The following CNTNAP2 variants were observed in gnomAD, a reference collection of about 807,000 sequenced individuals.
The protein encoded by CNTNAP2 is contactin-associated protein-like 2.
In CNTNAP2, 98 loss-of-function variants were observed where a neutral mutation model predicts 155.2. The ratio of observed to expected loss-of-function variants is 0.63; its 90% CI spans 0.54 to 0.75. CNTNAP2 has a LOEUF of 0.75. CNTNAP2 is among the 30% of genes least tolerant of loss of function. The pLI is 0.00. For missense variants in CNTNAP2, 1,727 were observed against 1,688.1 expected (o/e 1.02, Z -0.40); for synonymous variants, 651 against 631.2 (o/e 1.03, Z -0.47).
chr7:147,692,160 G>C (rs1223816283), intron 13 of CNTNAP2, among the ~76,000 whole-genome samples: 1 of 151,994 alleles, frequency 6.6e-6, no homozygotes, highest in Non-Finnish European at 1.5e-5. Context: ...ATGCATTTAA[G>C]CTTCCTTTGT....
Position 147,420,834 on chromosome 7 carries a change from G to A in CNTNAP2, c.1670+25054G>A, listed in dbSNP as rs183117016. ...ATTCTAACTGCAGAACCCAGCTGTGGACATGAGTTTCTAGGGGAGGACTCT... is the reference window on the plus strand; with the variant it reads ...ATTCTAACTGCAGAACCCAGCTGTGAACATGAGTTTCTAGGGGAGGACTCT... On this transcript the variant is annotated intron_variant, in intron 10 of 23. Coordinates refer to ENST00000361727, the MANE Select transcript of CNTNAP2 (RefSeq NM_014141.6). Among the ~76,000 whole-genome samples, 15 of 152,262 alleles carry A rather than the reference G, an allele frequency of 9.9e-5. No individual in the cohort carries two copies. In the East Asian group the frequency reaches 2.9e-3, roughly 29 times the overall value.
At chr7:147,451,497 C>T (rs1002256209) in intron 10 of CNTNAP2, among the ~76,000 whole-genome samples, 1 of 152,062 alleles carries the variant, frequency 6.6e-6, no homozygotes, top group African/African-American at 2.4e-5. Context: ...CCCTCCCTGC[C>T]TTGACTTACC....
At chr7:146,541,632 A>C (rs1282559409) in intron 1 of CNTNAP2, among the ~76,000 whole-genome samples, 1 of 151,912 alleles carries the variant, frequency 6.6e-6, no homozygotes, top group Non-Finnish European at 1.5e-5. Flanking sequence ...TCAGACCTTT[A>C]AGAGTGAGGT....
intron 22 of CNTNAP2, among the ~76,000 whole-genome samples, chr7:148,395,699 C>G (rs891325509): frequency 6.6e-6 from 1 of 152,144 alleles, no homozygotes; most frequent in East Asian, 1.9e-4. Flanking sequence ...ACAGGCCATC[C>G]TCTGTGTAGA....
intron 1 of CNTNAP2, among the ~76,000 whole-genome samples, chr7:146,485,930 G>T (rs1460631911): frequency 1.3e-5 from 2 of 151,146 alleles, no homozygotes; most frequent in Admixed American, 6.6e-5. Flanking sequence ...AAGTTAAATA[G>T]ATTTTAATCT....
At chr7:148,092,294 G>A (rs1172883832) in intron 15 of CNTNAP2, among the ~76,000 whole-genome samples, 1 of 152,058 alleles carries the variant, frequency 6.6e-6, no homozygotes, top group African/African-American at 2.4e-5. Context: ...ATCTAGTCTG[G>A]GGAATCATAC....
chr7:146,645,174 G>A (rs1458259774), intron 1 of CNTNAP2, among the ~76,000 whole-genome samples: 2 of 152,172 alleles, frequency 1.3e-5, no homozygotes, highest in South Asian at 2.1e-4. Flanking sequence ...CAGGACAGGT[G>A]TCTGTCTTAT....
At chr7:146,866,542 T>A (rs1460189693) in intron 3 of CNTNAP2, among the ~76,000 whole-genome samples, 1 of 152,116 alleles carries the variant, frequency 6.6e-6, no homozygotes, top group Non-Finnish European at 1.5e-5. Flanking sequence ...TAAAAAGTTG[T>A]GCTTTATTTC....
At chr7:148,410,263 C>T (rs1014166302) in intron 23 of CNTNAP2, among the ~76,000 whole-genome samples, 6 of 136,982 alleles carry the variant, frequency 4.4e-5, no homozygotes, top group Admixed American at 6.9e-5. Context: ...TCCAGGATAG[C>T]GTACTATAAA....
chr7:147,820,032 A>G (rs12539385), intron 13 of CNTNAP2, among the ~76,000 whole-genome samples: 1,692 of 152,228 alleles, frequency 0.011, 95 homozygotes, highest in Admixed American at 0.091. Flanking sequence ...TGGAATTGCT[A>G]GGTCATAAGG....
chr7:148,112,711 C>T (rs1804379225), intron 15 of CNTNAP2, among the ~76,000 whole-genome samples: 1 of 151,972 alleles, frequency 6.6e-6, no homozygotes, highest in South Asian at 2.1e-4. Flanking sequence ...TCAATATAAC[C>T]AAAAATCTGT....
chr7:147,954,399 G>T (rs2707587), intron 14 of CNTNAP2, among the ~76,000 whole-genome samples: 84,848 of 151,386 alleles, frequency 0.56, 24,264 homozygotes, highest in Middle Eastern at 0.77. Context: ...AGAAGATATA[G>T]CATTGCATTT....
chr7:146,762,931 T>C (rs1802128930), intron 1 of CNTNAP2, among the ~76,000 whole-genome samples: 1 of 152,114 alleles, frequency 6.6e-6, no homozygotes, highest in South Asian at 2.1e-4. Context: ...TCCCATGACA[T>C]GTGGGAATTA....
chr7:146,672,923 A>C (rs1025944010), intron 1 of CNTNAP2, among the ~76,000 whole-genome samples: 1 of 152,146 alleles, frequency 6.6e-6, no homozygotes, highest in Non-Finnish European at 1.5e-5. Flanking sequence ...TTGTAACTTA[A>C]ATGTATTAAG....
intron 3 of CNTNAP2, among the ~76,000 whole-genome samples, chr7:146,983,128 C>G (rs1798050438): frequency 6.6e-6 from 1 of 152,158 alleles, no homozygotes; most frequent in South Asian, 2.1e-4. Context: ...CTTCAACCAT[C>G]TATGCCAACC....
intron 1 of CNTNAP2, among the ~76,000 whole-genome samples, chr7:146,424,520 G>A (rs966981252): frequency 6.6e-6 from 1 of 152,152 alleles, no homozygotes; most frequent in South Asian, 2.1e-4. Context: ...TTCAGCAAAC[G>A]CCTTCTGTCA....
intron 1 of CNTNAP2, among the ~76,000 whole-genome samples, chr7:146,401,973 A>C (rs1795721011): frequency 6.6e-6 from 1 of 152,182 alleles, no homozygotes; most frequent in Non-Finnish European, 1.5e-5. Context: ...TAATGTAAAA[A>C]GCATAAAATG....
chr7:146,973,393 G>A (rs1433275311), intron 3 of CNTNAP2, among the ~76,000 whole-genome samples: 1 of 152,200 alleles, frequency 6.6e-6, no homozygotes, highest in Non-Finnish European at 1.5e-5. Context: ...GGACAGTGCA[G>A]ATGTAGATGG....
chr7:147,182,343 G>A (rs917766063), intron 8 of CNTNAP2, among the ~76,000 whole-genome samples: 1 of 151,746 alleles, frequency 6.6e-6, no homozygotes, highest in African/African-American at 2.4e-5. Context: ...GTGTTAATTT[G>A]TTATTTTTTA....
Sources: allele counts gnomAD v4.1 joint callset (sites outside exome capture counted in the v4.1 genomes callset), GRCh38; gene constraint gnomAD v4.1.1; transcripts MANE v1.5; gene names NCBI Gene and HGNC (gene_info 2026-07-23, HGNC 2026-07-21).